CBFA2T3: variants seen among roughly 807,000 people sequenced by gnomAD.
CBFA2T3 encodes the protein CBFA2/RUNX1 partner transcriptional co-repressor 3.
CBFA2T3 carries 31 observed loss-of-function variants against 58.6 expected under a neutral mutation model. The observed-to-expected ratio is 0.53, with a 90% CI of 0.40 to 0.71. CBFA2T3 has a LOEUF of 0.71. Among genes scored for constraint, CBFA2T3 ranks in the 30% least tolerant of loss-of-function variants. CBFA2T3 has a pLI of 0.00. For synonymous variants in CBFA2T3, 531 were observed against 421.9 expected (o/e 1.26, Z -3.17); for missense variants, 1,076 against 963.1 (o/e 1.12, Z -1.55).
At position 88,909,959 on chromosome 16, in the gene CBFA2T3, A is replaced by AGC. The variant is rs547229792; in HGVS notation, c.152-8304_152-8303insGC. Among the ~76,000 whole-genome samples the AGC allele has an allele frequency of 4.1e-3, 626 of 152,318 alleles. 2 individuals are homozygous for AGC. The highest frequency in any genetic ancestry group is 0.014 in the African/African-American group (598 of 41,570). On this transcript the variant is annotated intron_variant, in intron 1 of 11. Coordinates refer to ENST00000268679, the MANE Select transcript of CBFA2T3 (RefSeq NM_005187.6). ...GAACCAGAGGGACGAGCCACCCTCCAACACATTTCCCAAGAGCTGTCCACG... is the reference window on the plus strand; with the variant it reads ...GAACCAGAGGGACGAGCCACCCTCCAGCACACATTTCCCAAGAGCTGTCCACG...
At chr16:88,900,620 C>T (rs1190936121) in intron 2 of CBFA2T3, among the ~76,000 whole-genome samples, 1 of 152,180 alleles carries the variant, frequency 6.6e-6, no homozygotes, top group African/African-American at 2.4e-5. Flanking sequence ...GGAGGGTCCC[C>T]CAGGTACGGG....
At chr16:88,903,643 TG>T (rs1403842019) in intron 1 of CBFA2T3, among the ~76,000 whole-genome samples, 1 of 74,622 alleles carries the variant, frequency 1.3e-5, no homozygotes, top group Non-Finnish European at 2.5e-5. Context: ...GTTCCTGTGG[TG>T]GGGGTGTTCC....
intron 1 of CBFA2T3, among the ~76,000 whole-genome samples, chr16:88,969,252 G>A (rs1457334509): frequency 1.3e-5 from 2 of 152,202 alleles, no homozygotes; most frequent in East Asian, 1.9e-4. Context: ...CTGTGAAGTC[G>A]GGACTTTCTA....
chr16:88,877,587 CA>C (rs1968887377), intron 11 of CBFA2T3, among the ~76,000 whole-genome samples: 1 of 152,168 alleles, frequency 6.6e-6, no homozygotes. Flanking sequence ...ACCGCAAAAC[CA>C]AAGGGCGTGG....
chr16:88,953,093 G>A lies in CBFA2T3; in HGVS notation c.151+23564C>T, dbSNP rs141525027. 4.8e-3 allele frequency among the ~76,000 whole-genome samples: 728 copies of A among 152,314 alleles called. 5 individuals are homozygous for A. The highest frequency in any genetic ancestry group is 0.015 in the African/African-American group (639 of 41,570). On this transcript the variant is annotated intron_variant, in intron 1 of 11. Transcript: ENST00000268679. The surrounding 1 kb of genome is among the most constrained non-coding windows in gnomAD (Gnocchi z 4.9). ...CGAGAAAAAACACAACCTGGTCTCC[G>A]TCTGCCGGTTAGATCGGCCCCCAGT...
chr16:88,927,503 C>G (rs75666089), intron 1 of CBFA2T3, among the ~76,000 whole-genome samples: 3,236 of 152,322 alleles, frequency 0.021, 55 homozygotes, highest in African/African-American at 0.045. Flanking sequence ...AGGGACCTCC[C>G]TGCAACCCTT....
chr16:88,947,977 G>C (rs1005689900), intron 1 of CBFA2T3, among the ~76,000 whole-genome samples: 2 of 152,112 alleles, frequency 1.3e-5, no homozygotes, highest in African/African-American at 4.8e-5. Context: ...AGGAGGGAGG[G>C]GCACTTTTTG....
chr16:88,908,392 G>A (rs547685326), intron 1 of CBFA2T3, among the ~76,000 whole-genome samples: 8 of 151,954 alleles, frequency 5.3e-5, no homozygotes, highest in East Asian at 1.9e-4. Context: ...CCTGGAGGCC[G>A]CTCCCCGGGG....
intron 1 of CBFA2T3, among the ~76,000 whole-genome samples, chr16:88,947,774 T>C (rs943391089): frequency 3.3e-5 from 5 of 151,982 alleles, no homozygotes; most frequent in Non-Finnish European, 7.4e-5. Flanking sequence ...GTTAGCCGGG[T>C]GTGGTGGTGC....
chr16:88,944,489 C>T (rs1247919901), intron 1 of CBFA2T3, among the ~76,000 whole-genome samples: 4 of 152,194 alleles, frequency 2.6e-5, no homozygotes, highest in Non-Finnish European at 5.9e-5. Flanking sequence ...GGGCCCGCGG[C>T]GCACAGCGGG....
In CBFA2T3 at chr16:88,947,569, T is replaced by A. The variant is rs546323220; in HGVS notation, c.151+29088A>T. 4.1e-4 allele frequency among the ~76,000 whole-genome samples: 63 copies of A among 152,362 alleles called. 1 individual carries two copies. Among genetic ancestry groups the A allele is most frequent in the Admixed American group, 4.1e-3 (63 of 15,306 alleles). On this transcript the variant is annotated intron_variant, in intron 1 of 11. Transcript: ENST00000268679. ...ATTATCGTTATAATTATTGGTAGTA[T>A]ACAACCGATACAAACAATGTGAATG...
intron 1 of CBFA2T3, among the ~76,000 whole-genome samples, chr16:88,956,251 C>T (rs1335077403): frequency 1.3e-5 from 2 of 152,278 alleles, no homozygotes; most frequent in Non-Finnish European, 2.9e-5. Context: ...GTTTATCACG[C>T]GTGTGACGGA....
intron 1 of CBFA2T3, chr16:88,939,196 G>C (rs1361383176): frequency 6.6e-6 from 1 of 152,256 alleles, no homozygotes; most frequent in Non-Finnish European, 1.5e-5. Context: ...AGAGCTCAGG[G>C]GGGCTCGGGC....
chr16:88,916,422 C>CTG lies in CBFA2T3; in HGVS notation c.152-14768_152-14767dup, dbSNP rs576607558. ...TATGCGTATTCATGCGTGTGCATGG[C>CTG]TGTGTCCGTGTGTGTGTGCACTCAC... On this transcript the variant is annotated intron_variant, in intron 1 of 11. Coordinates refer to ENST00000268679, the MANE Select transcript of CBFA2T3 (RefSeq NM_005187.6). 3.7e-3 allele frequency among the ~76,000 whole-genome samples: 553 copies of CTG among 150,086 alleles called. 1 individual carries two copies. The highest frequency in any genetic ancestry group is 0.013 in the African/African-American group (531 of 40,698).
intron 1 of CBFA2T3, among the ~76,000 whole-genome samples, chr16:88,909,942 G>A (rs1419556463): frequency 6.6e-6 from 1 of 152,216 alleles, no homozygotes; most frequent in African/African-American, 2.4e-5. Flanking sequence ...GGGAACCAGA[G>A]GGACGAGCCA....
chr16:88,879,825 C>T (rs901105010), intron 10 of CBFA2T3: 2 of 228,714 alleles, frequency 8.7e-6, no homozygotes, highest in Non-Finnish European at 1.7e-5. Flanking sequence ...AGGCCCACCC[C>T]AGGGCCTGGT....
chr16:88,878,435 G>C (rs1322576507), intron 11 of CBFA2T3, among the ~76,000 whole-genome samples: 1 of 152,206 alleles, frequency 6.6e-6, no homozygotes, highest in African/African-American at 2.4e-5. Flanking sequence ...ACAGTCCTGG[G>C]GCTCCCCTGG....
At chr16:88,972,338 G>T (rs368241662) in intron 1 of CBFA2T3, among the ~76,000 whole-genome samples, 2 of 152,248 alleles carry the variant, frequency 1.3e-5, no homozygotes, top group South Asian at 2.1e-4. Flanking sequence ...GAGATAGTTG[G>T]GGGGGAGTCA....
intron 1 of CBFA2T3, among the ~76,000 whole-genome samples, chr16:88,928,269 T>C (rs920914274): frequency 2.6e-5 from 4 of 152,178 alleles, no homozygotes; most frequent in Non-Finnish European, 5.9e-5. Context: ...GCTGTCCTTG[T>C]TGGGGGCGTT....
Sources: allele counts gnomAD v4.1 joint callset (sites outside exome capture counted in the v4.1 genomes callset), GRCh38; gene constraint gnomAD v4.1.1; non-coding constraint Gnocchi (gnomAD v3.1); transcripts MANE v1.5; gene names NCBI Gene and HGNC (gene_info 2026-07-23, HGNC 2026-07-21).